ATF7IP: variants seen among roughly 807,000 people sequenced by gnomAD.
ATF7IP encodes activating transcription factor 7 interacting protein, also known as activating transcription factor 7-interacting protein 1.
ATF7IP carries 23 observed loss-of-function variants against 106.4 expected under a neutral mutation model. The observed-to-expected ratio is 0.22, with a 90% CI of 0.16 to 0.31. ATF7IP has a LOEUF of 0.31. ATF7IP is among the 10% of genes least tolerant of loss of function. ATF7IP has a pLI of 1.00. For missense variants in ATF7IP, 1,334 were observed against 1,524.3 expected (o/e 0.88, Z 2.08); for synonymous variants, 542 against 539.0 (o/e 1.01, Z -0.08).
intron 6 of ATF7IP, among the ~76,000 whole-genome samples, chr12:14,455,934 C>T (rs943478009): frequency 1.4e-4 from 22 of 151,942 alleles, no homozygotes; most frequent in Admixed American, 3.9e-4. Context: ...TGATGGAGGC[C>T]TAAATAATGA....
chr12:14,415,593 A>T (rs1941159323), intron 1 of ATF7IP, among the ~76,000 whole-genome samples: 1 of 152,122 alleles, frequency 6.6e-6, no homozygotes, highest in South Asian at 2.1e-4. Flanking sequence ...GGTGACAGGC[A>T]GAGGGGTTAA....
chr12:14,442,642 G>C (rs564353859), intron 5 of ATF7IP, among the ~76,000 whole-genome samples: 2 of 152,142 alleles, frequency 1.3e-5, no homozygotes, highest in East Asian at 3.9e-4. Context: ...TTTGACTTTT[G>C]GCTTAATATG....
chr12:14,421,006 A>G (rs983844842), intron 1 of ATF7IP, among the ~76,000 whole-genome samples: 21 of 152,178 alleles, frequency 1.4e-4, no homozygotes, highest in Non-Finnish European at 1.5e-5. Context: ...CTATTGATTG[A>G]TGACATTGTT....
chr12:14,385,475 C>CT, intron 1 of ATF7IP: 1 of 1,343,680 alleles, frequency 7.4e-7, no homozygotes. Flanking sequence ...ACTGAGTTTA[C>CT]TTAGAGGGGT....
At chr12:14,422,010 A>G (rs1941538876) in intron 1 of ATF7IP, among the ~76,000 whole-genome samples, 1 of 152,206 alleles carries the variant, frequency 6.6e-6, no homozygotes, top group South Asian at 2.1e-4. Context: ...AATGTAAATG[A>G]CACATTAAAA....
rs1486889082 is a variant in ATF7IP at position 14,425,091 on chromosome 12, T to C, written c.1176T>C (p.Ile392=). The C allele has an allele frequency of 6.3e-7, 1 of 1,589,702 alleles. No homozygotes were observed. The highest frequency in any genetic ancestry group is 1.9e-5 in the Admixed American group (1 of 52,626). The change falls in exon 2 of 15, where the codon ATT becomes ATC. Residue 392 remains isoleucine (I), a synonymous_variant. Transcript: ENST00000261168. ...GEDAISSSME[I]DQGEKNEDET... ...ATGCTATATCTAGCAGTATGGAAATTGACCAAGGTGAAAAGAATGAAGATG... is the reference window on the plus strand; with the variant it reads ...ATGCTATATCTAGCAGTATGGAAATCGACCAAGGTGAAAAGAATGAAGATG...
In ATF7IP at chr12:14,396,380, G is replaced by C. The variant is rs76335715; in HGVS notation, c.-7-27529G>C. The stretch of plus-strand genomic sequence containing the variant: ...CAGCTGTGATAGAAGCCATACTCAT[G>C]TTTCAGGGGCAGGAACTGTTCCTTA... On this transcript the variant is annotated intron_variant, in intron 1 of 14. Coordinates refer to ENST00000261168, the MANE Select transcript of ATF7IP (RefSeq NM_018179.5). Among the ~76,000 whole-genome samples, 12 of 152,012 alleles carry C rather than the reference G, an allele frequency of 7.9e-5. No individual in the cohort carries two copies. The East Asian group carries it at 2.3e-3, about 29-fold the overall frequency.
At chr12:14,455,005 C>T (rs913602530) in intron 6 of ATF7IP, among the ~76,000 whole-genome samples, 3 of 151,834 alleles carry the variant, frequency 2.0e-5, no homozygotes, top group African/African-American at 7.3e-5. Context: ...ATGGCAAAAC[C>T]CCACGTCTAC....
intron 5 of ATF7IP, 90 bp from the exon 6 acceptor site, chr12:14,446,897 TA>T (rs2136664306): frequency 6.5e-6 from 6 of 921,276 alleles, no homozygotes; most frequent in Non-Finnish European, 9.5e-6. Flanking sequence ...CTGTTTTCTA[TA>T]GGTTTCTTTT....
At chr12:14,446,869 A>G (rs1038656558) in intron 5 of ATF7IP, 119 bp from the exon 6 acceptor site, 2 of 631,530 alleles carry the variant, frequency 3.2e-6, no homozygotes, top group African/African-American at 3.8e-5. Context: ...TTCTTTACTC[A>G]GCTATCTTCT....
intron 6 of ATF7IP, among the ~76,000 whole-genome samples, chr12:14,449,048 A>C (rs1943094227): frequency 6.6e-6 from 1 of 151,522 alleles, no homozygotes; most frequent in Non-Finnish European, 1.5e-5. Context: ...ATATATGCTG[A>C]ATATTGACTC....
At chr12:14,437,017 G>A (rs1277406379) in intron 4 of ATF7IP, among the ~76,000 whole-genome samples, 1 of 152,020 alleles carries the variant, frequency 6.6e-6, no homozygotes, top group African/African-American at 2.4e-5. Context: ...TCTTTATTGT[G>A]TACTTGAGGG....
Position 14,461,033 on chromosome 12 carries a change from T to A in ATF7IP, c.2697T>A (p.Ser899Arg). ...LPTVGPSGLY[S>R]PSTNRGPIQM... is the part of the protein sequence containing the mutation. ...CAGTGGGCCCATCAGGACTCTATAG[T>A]CCATCAACTAATCGAGGTCCTATAC... is the stretch of plus-strand genomic sequence containing the variant. Residue 899 changes from serine to arginine, a missense_variant, in exon 9 of 15, where the codon AGT (serine) becomes AGA (arginine). Ser to Arg is a moderately radical substitution (Grantham distance 110, BLOSUM62 -1). This residue lies in a region of ATF7IP where 370 missense variants were observed against 401.2 expected (regional missense o/e 0.92). Transcript: ENST00000261168. The A allele has an allele frequency of 6.2e-7, 1 of 1,614,102 alleles. No individual in the cohort carries two copies. The highest frequency in any genetic ancestry group is 8.5e-7 in the Non-Finnish European group (1 of 1,180,006).
chr12:14,386,934 T>C (rs986376993), intron 1 of ATF7IP, among the ~76,000 whole-genome samples: 1 of 152,190 alleles, frequency 6.6e-6, no homozygotes, highest in Admixed American at 6.5e-5. Context: ...TTAAAATTGT[T>C]GACTTGTCTC....
chr12:14,452,632 A>G (rs1943249825), intron 6 of ATF7IP, among the ~76,000 whole-genome samples: 1 of 152,076 alleles, frequency 6.6e-6, no homozygotes, highest in Admixed American at 6.5e-5. Context: ...CCTCACTATG[A>G]CTTGATGTTA....
In ATF7IP at chr12:14,423,802, A is replaced by G; in HGVS notation, c.-7-107A>G. 3.3e-6 allele frequency: 4 copies of G among 1,208,894 alleles called. No individual in the cohort carries two copies. In the South Asian group the frequency reaches 6.5e-5, roughly 20 times the overall value. The allele number at this position is 1,208,894 out of a possible 1,614,324, so 74.9% of individuals were successfully genotyped here. A position where few individuals can be genotyped will look rare whatever the true frequency, so the allele number is the denominator to read the frequency against. On this transcript the variant is annotated intron_variant, in intron 1 of 14. Coordinates refer to ENST00000261168, the MANE Select transcript of ATF7IP (RefSeq NM_018179.5). ...GTAGGTTTTCTATGTCTTAAACATTACATGAAATGTGCTGCTTGCATCTCT... is the reference window on the plus strand; with the variant it reads ...GTAGGTTTTCTATGTCTTAAACATTGCATGAAATGTGCTGCTTGCATCTCT...
chr12:14,417,732 A>G (rs1399780304), intron 1 of ATF7IP, among the ~76,000 whole-genome samples: 1 of 152,206 alleles, frequency 6.6e-6, no homozygotes, highest in Non-Finnish European at 1.5e-5. Flanking sequence ...GGTATATTTA[A>G]TGCGTGTTAC....
chr12:14,474,833 A>G (rs1944201056), intron 10 of ATF7IP, among the ~76,000 whole-genome samples: 1 of 152,188 alleles, frequency 6.6e-6, no homozygotes, highest in South Asian at 2.1e-4. Flanking sequence ...GACCTTAATG[A>G]TAATATGTTG....
intron 1 of ATF7IP, among the ~76,000 whole-genome samples, chr12:14,400,471 T>C (rs1428239006): frequency 6.6e-6 from 1 of 151,976 alleles, no homozygotes; most frequent in Non-Finnish European, 1.5e-5. Flanking sequence ...AGGAAATTAA[T>C]AGGATTAATA....
Sources: allele counts gnomAD v4.1 joint callset (sites outside exome capture counted in the v4.1 genomes callset), GRCh38; gene constraint gnomAD v4.1.1; regional missense constraint gnomAD v4.1.1; transcripts MANE v1.5; gene names NCBI Gene and HGNC (gene_info 2026-07-23, HGNC 2026-07-21).